Variants in TNR observed in about 807,000 individuals in gnomAD.
The protein encoded by TNR is tenascin R.
In TNR, 45 loss-of-function variants were observed where a neutral mutation model predicts 150.4. The observed-to-expected ratio is 0.30, with a 90% confidence interval of 0.24 to 0.38. The LOEUF (loss-of-function observed/expected upper bound fraction) is 0.38, where lower values mean the gene tolerates loss of function less well. TNR is among the 10% of genes least tolerant of loss of function. The pLI is 1.00. For missense variants in TNR, 1,544 were observed against 1,759.1 expected (o/e 0.88, Z 2.19); for synonymous variants, 687 against 678.4 (o/e 1.01, Z -0.20).
At chr1:175,521,043 G>A (rs1028425841) in intron 2 of TNR, among the ~76,000 whole-genome samples, 3 of 152,110 alleles carry the variant, frequency 2.0e-5, no homozygotes, top group East Asian at 1.9e-4. Flanking sequence ...TGGCAGAACC[G>A]GTGTTACTCA....
chr1:175,595,228 C>T (rs929968231), intron 1 of TNR, among the ~76,000 whole-genome samples: 11 of 152,118 alleles, frequency 7.2e-5, no homozygotes, highest in African/African-American at 2.7e-4. Context: ...TTGGTGATTG[C>T]CAGCTATTGG....
At chr1:175,634,033 G>T (rs924409539) in intron 1 of TNR, among the ~76,000 whole-genome samples, 2 of 149,338 alleles carry the variant, frequency 1.3e-5, no homozygotes, top group African/African-American at 2.5e-5. Context: ...TGATGATAAG[G>T]CCAACCCCAT....
chr1:175,365,888 C>T lies in TNR; in HGVS notation c.2304G>A (p.Val768=), dbSNP rs1440585010. 2 of 1,613,908 alleles carry T rather than the reference C, an allele frequency of 1.2e-6. No individual in the cohort carries two copies. The highest frequency in any genetic ancestry group is 1.7e-6 in the Non-Finnish European group (2 of 1,179,896). ...CTGCTCTGGTACCTGTGAAAGCATC[C>T]ACAGTGGACTCCAAGCTCTGCTGCC... ...RGRQQSLEST[V]DAFTGFRPIS... The change falls in exon 11 of 23, where the codon GTG becomes GTA. Residue 768 remains valine, a synonymous_variant. Transcript: ENST00000367674.
At chr1:175,638,071 C>T (rs1232790856) in intron 1 of TNR, among the ~76,000 whole-genome samples, 3 of 152,158 alleles carry the variant, frequency 2.0e-5, no homozygotes, top group African/African-American at 7.2e-5. Flanking sequence ...CAGAAGCATA[C>T]CTCATACAGC....
chr1:175,335,672 A>G (rs1474497140), intron 20 of TNR, 39 bp downstream of exon 20: 4 of 1,577,126 alleles, frequency 2.5e-6, no homozygotes, highest in Non-Finnish European at 3.5e-6. Context: ...ACAAAAAGCC[A>G]GAGAAGCACA....
intron 18 of TNR, among the ~76,000 whole-genome samples, chr1:175,349,265 T>G (rs1650943714): frequency 6.6e-6 from 1 of 152,210 alleles, no homozygotes; most frequent in South Asian, 2.1e-4. Context: ...ATTACCTTAG[T>G]GATCCATAAG....
chr1:175,712,857 T>G (rs997260180), intron 1 of TNR, among the ~76,000 whole-genome samples: 1 of 152,138 alleles, frequency 6.6e-6, no homozygotes, highest in Non-Finnish European at 1.5e-5. Flanking sequence ...ATTAAATCTC[T>G]TTTCTTTATA....
At chr1:175,571,768 C>G (rs773583352) in intron 1 of TNR, among the ~76,000 whole-genome samples, 46 of 152,216 alleles carry the variant, frequency 3.0e-4, no homozygotes, top group Non-Finnish European at 5.3e-4. Flanking sequence ...CCCCCAGATT[C>G]ATACTTGGGT....
At chr1:175,641,738 G>A (rs1399475006) in intron 1 of TNR, among the ~76,000 whole-genome samples, 2 of 152,178 alleles carry the variant, frequency 1.3e-5, no homozygotes, top group African/African-American at 4.8e-5. Flanking sequence ...TGGGCTTGGT[G>A]TAGGATCTAG....
intron 1 of TNR, among the ~76,000 whole-genome samples, chr1:175,740,103 C>G (rs12033806): frequency 9.2e-5 from 14 of 152,124 alleles, no homozygotes; most frequent in African/African-American, 2.9e-4. Flanking sequence ...ATGTACCCCT[C>G]CCACATCTTT....
chr1:175,491,105 A>T (rs925654456), intron 2 of TNR, among the ~76,000 whole-genome samples: 19 of 152,256 alleles, frequency 1.2e-4, no homozygotes, highest in Non-Finnish European at 2.4e-4. Flanking sequence ...TGTCCTCTGC[A>T]AACTAATGCA....
chr1:175,606,993 C>A (rs1663431823), intron 1 of TNR, among the ~76,000 whole-genome samples: 2 of 152,196 alleles, frequency 1.3e-5, no homozygotes, highest in African/African-American at 4.8e-5. Flanking sequence ...TCCTCCCTTA[C>A]TAGGCTCTCC....
intron 1 of TNR, among the ~76,000 whole-genome samples, chr1:175,707,057 T>G (rs1443732511): frequency 6.6e-6 from 1 of 152,228 alleles, no homozygotes; most frequent in East Asian, 1.9e-4. Flanking sequence ...ATTGGAGTGA[T>G]GACTCCTAAA....
At chr1:175,583,921 A>G (rs985560614) in intron 1 of TNR, among the ~76,000 whole-genome samples, 1 of 152,194 alleles carries the variant, frequency 6.6e-6, no homozygotes, top group Non-Finnish European at 1.5e-5. Flanking sequence ...CCTGCCCAGA[A>G]TGACACACCA....
At chr1:175,518,836 C>G (rs533700344) in intron 2 of TNR, among the ~76,000 whole-genome samples, 1 of 152,278 alleles carries the variant, frequency 6.6e-6, no homozygotes, top group Admixed American at 6.5e-5. Context: ...ATTACAGGTC[C>G]ATTATCTTTA....
intron 1 of TNR, among the ~76,000 whole-genome samples, chr1:175,564,626 G>C (rs747029585): frequency 1.4e-4 from 22 of 152,204 alleles, no homozygotes; most frequent in African/African-American, 2.2e-4. Flanking sequence ...TGGTTTGAAG[G>C]GGGGAGCTTA....
intron 20 of TNR, among the ~76,000 whole-genome samples, chr1:175,330,998 A>ATTCTTTCTTTCTTTCTTTCTTTCT (rs764826338): frequency 4.1e-5 from 3 of 72,768 alleles, no homozygotes; most frequent in East Asian, 4.9e-4. Context: ...CCTCTTGGTG[A>ATTCTTTCTTTCTTTCTTTCTTTCT]TTCTTTCTTT....
chr1:175,694,089 A>G lies in TNR; in HGVS notation c.-165+49137T>C, dbSNP rs1393051976. Among the ~76,000 whole-genome samples the G allele has an allele frequency of 2.0e-5, 3 of 152,260 alleles. No homozygotes were observed. The South Asian group carries it at 6.2e-4, about 32-fold the overall frequency. On this transcript the variant is annotated intron_variant, in intron 1 of 22. Transcript: ENST00000367674. Reference sequence around the variant, plus strand: ...GTTGTATTTATGTCTAGTTTTACCCATGTCCTCTCTTCAGACACCACCTCT... The same window carrying G: ...GTTGTATTTATGTCTAGTTTTACCCGTGTCCTCTCTTCAGACACCACCTCT...
At chr1:175,508,006 A>C (rs1290256618) in intron 2 of TNR, among the ~76,000 whole-genome samples, 1 of 152,222 alleles carries the variant, frequency 6.6e-6, no homozygotes, top group Non-Finnish European at 1.5e-5. Flanking sequence ...GACTGTATCC[A>C]GGAACAGAAA....
Sources: allele counts gnomAD v4.1 joint callset (sites outside exome capture counted in the v4.1 genomes callset), GRCh38; gene constraint gnomAD v4.1.1; transcripts MANE v1.5; gene names NCBI Gene and HGNC (gene_info 2026-07-23, HGNC 2026-07-21).